The following DSG4 variants were observed in gnomAD, a reference collection of about 807,000 sequenced individuals.
DSG4 encodes desmoglein 4, also known as desmoglein-4.
In DSG4, 87 loss-of-function variants were observed where a neutral mutation model predicts 93.1. That is an observed-to-expected ratio of 0.93 (90% CI 0.79 to 1.12). DSG4 has a LOEUF of 1.12. DSG4 is among the 50% of genes most tolerant of loss of function. The pLI is 0.00. For synonymous variants in DSG4, 432 were observed against 452.9 expected (o/e 0.95, Z 0.59); for missense variants, 1,373 against 1,285.7 (o/e 1.07, Z -1.04).
At chr18:31,397,488 C>G (rs112422655) in intron 8 of DSG4, among the ~76,000 whole-genome samples, 3 of 152,026 alleles carry the variant, frequency 2.0e-5, no homozygotes, top group Admixed American at 6.5e-5. Context: ...GCCCCACTTG[C>G]GAAGAATGAG....
Position 31,386,660 on chromosome 18 carries a change from T to C in DSG4, c.85-28T>C, listed in dbSNP as rs753849768. 5.6e-6 allele frequency: 9 copies of C among 1,612,046 alleles called. No homozygotes were observed. In the South Asian group the frequency reaches 8.8e-5, roughly 16 times the overall value. ...TCTAAGTAAAATTGTTCTCACACTG[T>C]AAGACACCTGAACCATTTTTGCTTA... is the stretch of plus-strand genomic sequence containing the variant. On this transcript the variant is annotated intron_variant, in intron 2 of 15. Coordinates refer to ENST00000308128, the MANE Select transcript of DSG4 (RefSeq NM_177986.5).
At chr18:31,392,067 G>A (rs1048734352) in intron 7 of DSG4, 88 bp from the exon 8 acceptor site, 29 of 1,267,116 alleles carry the variant, frequency 2.3e-5, no homozygotes, top group Non-Finnish European at 3.0e-5. Flanking sequence ...ATAGTTTGTT[G>A]TTAGTATTTT....
At chr18:31,411,721 G>A (rs1235434652) in intron 15 of DSG4, among the ~76,000 whole-genome samples, 1 of 151,920 alleles carries the variant, frequency 6.6e-6, no homozygotes, top group Admixed American at 6.6e-5. Flanking sequence ...TCTATCTTTT[G>A]TTTCCTTGAT....
chr18:31,406,902 C>T (rs1028689721), intron 12 of DSG4, among the ~76,000 whole-genome samples: 2 of 151,984 alleles, frequency 1.3e-5, no homozygotes, highest in African/African-American at 2.4e-5. Context: ...CTCAGCCTCC[C>T]GAGTAGCTGG....
intron 8 of DSG4, among the ~76,000 whole-genome samples, chr18:31,396,576 A>T (rs928666328): frequency 2.0e-5 from 3 of 151,962 alleles, no homozygotes; most frequent in Non-Finnish European, 4.4e-5. Flanking sequence ...GGCTGGTCTC[A>T]AACTCCTGAC....
chr18:31,388,500 G>A lies in DSG4; in HGVS notation c.350G>A (p.Arg117Lys), dbSNP rs1293646965. Residue 117 changes from arginine to lysine, a missense_variant, in exon 4 of 16, where the codon AGA becomes AAA. Transcript: ENST00000308128. Reference sequence around the variant, plus strand: ...ATTAACATCACTTCAGTGGTAGACAGAGAAATAACTCCACTTTTCTTGGTA... The same window carrying A: ...ATTAACATCACTTCAGTGGTAGACAAAGAAATAACTCCACTTTTCTTGGTA... ...GEINITSVVD[R>K]EITPLFLIYC... 2 of 1,613,450 alleles carry A rather than the reference G, an allele frequency of 1.2e-6. No homozygotes were observed. Among genetic ancestry groups the A allele is most frequent in the South Asian group, 2.2e-5 (2 of 91,064 alleles).
At chr18:31,392,910 T>A (rs1288946188) in intron 8 of DSG4, among the ~76,000 whole-genome samples, 2 of 152,156 alleles carry the variant, frequency 1.3e-5, no homozygotes, top group African/African-American at 4.8e-5. Flanking sequence ...AGGGAAGTAA[T>A]CAGAAGTCAG....
chr18:31,409,683 T>C, intron 13 of DSG4, 62 bp from the exon 14 acceptor site: 3 of 1,613,616 alleles, frequency 1.9e-6, no homozygotes, highest in Non-Finnish European at 2.5e-6. Context: ...AATGAACAGA[T>C]GTCAGTTTTT....
chr18:31,399,851 C>G (rs576204700), intron 9 of DSG4, among the ~76,000 whole-genome samples: 1 of 152,058 alleles, frequency 6.6e-6, no homozygotes, highest in Non-Finnish European at 1.5e-5. Flanking sequence ...TACCCTGGAC[C>G]GGGGCTGATT....
intron 9 of DSG4, among the ~76,000 whole-genome samples, chr18:31,400,446 G>C (rs972456182): frequency 1.3e-5 from 2 of 152,058 alleles, no homozygotes; most frequent in Non-Finnish European, 2.9e-5. Flanking sequence ...ACTGAACAGA[G>C]GATATCACAA....
At chr18:31,387,742 C>T (rs888343752) in intron 3 of DSG4, among the ~76,000 whole-genome samples, 1 of 151,992 alleles carries the variant, frequency 6.6e-6, no homozygotes, top group Non-Finnish European at 1.5e-5. Flanking sequence ...TTACTGAATG[C>T]TCTTATCGTT....
chr18:31,410,957 T>G (rs2072480933), intron 14 of DSG4, among the ~76,000 whole-genome samples: 1 of 152,110 alleles, frequency 6.6e-6, no homozygotes, highest in South Asian at 2.1e-4. Context: ...GTAGTTCTCT[T>G]GGCTAGTTCT....
rs545719088 is a variant in DSG4 at position 31,414,174 on chromosome 18, G to A, written c.*579G>A. 6.6e-6 allele frequency: 1 copy of A among 152,048 alleles called. No homozygotes were observed. Among genetic ancestry groups the A allele is most frequent in the Non-Finnish European group, 1.5e-5 (1 of 68,000 alleles). The allele number at this position is 152,048 out of a possible 1,614,324, so 9.4% of individuals were successfully genotyped here. On this transcript the variant is annotated 3_prime_UTR_variant, in exon 16 of 16. Coordinates refer to ENST00000308128, the MANE Select transcript of DSG4 (RefSeq NM_177986.5). The stretch of plus-strand genomic sequence containing the variant: ...CAATAGGAGATGCTTAATATAATAA[G>A]AAAAGAGTTTGCCAACTGAAAGCAT...
At chr18:31,411,120 C>T in intron 14 of DSG4, 111 bp from the exon 15 acceptor site, 1 of 1,608,940 alleles carries the variant, frequency 6.2e-7, no homozygotes, top group Non-Finnish European at 8.5e-7. Flanking sequence ...CTTTTTAGCG[C>T]CTACGCCTTG....
intron 10 of DSG4, among the ~76,000 whole-genome samples, chr18:31,401,222 C>A (rs991167574): frequency 2.0e-5 from 3 of 152,164 alleles, no homozygotes; most frequent in African/African-American, 7.2e-5. Flanking sequence ...ATTTCATCTA[C>A]TTCCAAAACT....
chr18:31,413,700 C>A lies in DSG4; in HGVS notation c.*105C>A. On this transcript the variant is annotated 3_prime_UTR_variant, in exon 16 of 16. Coordinates refer to ENST00000308128, the MANE Select transcript of DSG4 (RefSeq NM_177986.5). ...CATATATATTAATAGTCAACAAATACTCAGATATTCTAAGGTCAATGCCAT... is the reference window on the plus strand; with the variant it reads ...CATATATATTAATAGTCAACAAATAATCAGATATTCTAAGGTCAATGCCAT... The A allele has an allele frequency of 7.1e-7, 1 of 1,411,928 alleles. No homozygotes were observed. The highest frequency in any genetic ancestry group is 9.8e-7 in the Non-Finnish European group (1 of 1,024,600). The allele number at this position is 1,411,928 out of a possible 1,614,324, so 87.5% of individuals were successfully genotyped here.
intron 9 of DSG4, among the ~76,000 whole-genome samples, 155 bp from the exon 10 acceptor site, chr18:31,400,726 T>TTATTGATA (rs2072355586): frequency 6.6e-6 from 1 of 152,174 alleles, no homozygotes; most frequent in South Asian, 2.1e-4. Flanking sequence ...CATTGAATTT[T>TTATTGATA]TATTGATATA....
At chr18:31,393,619 C>G (rs543278102) in intron 8 of DSG4, among the ~76,000 whole-genome samples, 1 of 152,254 alleles carries the variant, frequency 6.6e-6, no homozygotes, top group Admixed American at 6.5e-5. Flanking sequence ...CACCCCTCAC[C>G]AGGCCCCACC....
chr18:31,400,996 A>ATC lies in DSG4; in HGVS notation c.1393_1394insTC (p.Thr465IlefsTer8), dbSNP rs2072359288. On this transcript the variant is annotated frameshift_variant, in exon 10 of 16. Coordinates refer to ENST00000308128, the MANE Select transcript of DSG4 (RefSeq NM_177986.5). LOFTEE classifies it high-confidence loss of function. Reference sequence around the variant, plus strand: ...AAAATATATTATCAATGGGATATACACAGCAGAGATCCTGGCTATAGATGG... The same window carrying ATC: ...AAAATATATTATCAATGGGATATACATCCAGCAGAGATCCTGGCTATAGATGG... 1.9e-6 allele frequency: 3 copies of ATC among 1,607,066 alleles called. No homozygotes were observed. The highest frequency in any genetic ancestry group is 2.6e-6 in the Non-Finnish European group (3 of 1,176,362).
Sources: allele counts gnomAD v4.1 joint callset (sites outside exome capture counted in the v4.1 genomes callset), GRCh38; gene constraint gnomAD v4.1.1; transcripts MANE v1.5; gene names NCBI Gene and HGNC (gene_info 2026-07-23, HGNC 2026-07-21).